FAM83F: variants seen among roughly 807,000 people sequenced by gnomAD.
The protein encoded by FAM83F is scaffolding CK1 anchoring protein F, also known as protein FAM83F.
Under a neutral mutation model 42.9 loss-of-function variants are expected in FAM83F, and 45 were observed. The observed-to-expected ratio is 1.05, with a 90% CI of 0.83 to 1.35. FAM83F has a LOEUF of 1.35. FAM83F is among the 40% of genes most tolerant of loss of function. The pLI, the probability that FAM83F is intolerant of heterozygous loss-of-function variation, is 0.00. For synonymous variants in FAM83F, 306 were observed against 298.3 expected, an observed-to-expected ratio of 1.03 and a Z score of -0.27; for missense variants, 617 against 695.9, an observed-to-expected ratio of 0.89 and a Z score of 1.28.
rs566215726 is a variant in FAM83F at position 40,041,923 on chromosome 22, G to C, written c.*12358G>C. The stretch of plus-strand genomic sequence containing the variant: ...TCTATTGCCCAGGCTGGAGTGCAGT[G>C]GTGTGGCTCACTGCAGCCTTGAACT... On this transcript the variant is annotated 3_prime_UTR_variant, in exon 5 of 5. Transcript: ENST00000333407. 1 of 151,354 alleles carries C rather than the reference G, an allele frequency of 6.6e-6. No homozygotes were observed. Among genetic ancestry groups the C allele is most frequent in the Non-Finnish European group, 1.5e-5 (1 of 67,940 alleles). The allele number at this position is 151,354 out of a possible 1,614,324, so 9.4% of individuals were successfully genotyped here.
intron 1 of FAM83F, among the ~76,000 whole-genome samples, chr22:40,015,770 A>G (rs1370491657): frequency 4.0e-5 from 6 of 151,846 alleles, no homozygotes; most frequent in Non-Finnish European, 8.8e-5. Context: ...CTCACCCCAA[A>G]CCCACATCAC....
Position 39,995,587 on chromosome 22 carries a change from C to T in FAM83F, c.489+56C>T. The T allele has an allele frequency of 2.7e-6, 4 of 1,466,664 alleles. No homozygotes were observed. Among genetic ancestry groups the T allele is most frequent in the Non-Finnish European group, 3.6e-6 (4 of 1,105,012 alleles). The allele number at this position is 1,466,664 out of a possible 1,614,324, so 90.9% of individuals were successfully genotyped here. On this transcript the variant is annotated intron_variant, in intron 1 of 4. Transcript: ENST00000333407. The surrounding 1 kb of genome is among the most constrained non-coding windows in gnomAD (Gnocchi z 4.6). ...GGGACCTCGGCCCCAGTCCCCTGGACCGGGCCCCACCTCCCAGGCAGGGCC... is the reference window on the plus strand; with the variant it reads ...GGGACCTCGGCCCCAGTCCCCTGGATCGGGCCCCACCTCCCAGGCAGGGCC...
Position 39,995,320 on chromosome 22 carries a change from C to G in FAM83F, c.278C>G (p.Ala93Gly). 6.5e-7 allele frequency: 1 copy of G among 1,538,652 alleles called. No homozygotes were observed. The highest frequency in any genetic ancestry group is 2.4e-5 in the East Asian group (1 of 40,844). Reference protein sequence around the residue: ...ARGKSKAKAKAPAPAPAESGE... With the variant: ...ARGKSKAKAKGPAPAPAESGE... ...GGCAAGAGCAAGGCCAAGGCCAAGG[C>G]CCCCGCGCCGGCGCCGGCTGAGTCC... Residue 93 changes from alanine to glycine, a missense_variant, in exon 1 of 5, where the codon GCC becomes GGC. By Grantham distance (60) the Ala-to-Gly change is moderately conservative. Coordinates refer to ENST00000333407, the MANE Select transcript of FAM83F (RefSeq NM_138435.4). The surrounding 1 kb of genome is among the most constrained non-coding windows in gnomAD (Gnocchi z 4.6).
chr22:40,019,443 A>G (rs2145719278), intron 2 of FAM83F, 108 bp downstream of exon 2: 2 of 1,016,248 alleles, frequency 2.0e-6, no homozygotes, highest in East Asian at 4.9e-5. Context: ...GGCTCAGGCG[A>G]ACTTCAAGAT....
At chr22:40,005,065 T>G (rs1401534144) in intron 1 of FAM83F, among the ~76,000 whole-genome samples, 1 of 152,176 alleles carries the variant, frequency 6.6e-6, no homozygotes, top group African/African-American at 2.4e-5. Context: ...CACTCTCAAC[T>G]TGCCTCCGTA....
intron 1 of FAM83F, among the ~76,000 whole-genome samples, chr22:40,010,928 C>G (rs1299034498): frequency 6.6e-6 from 1 of 152,212 alleles, no homozygotes; most frequent in African/African-American, 2.4e-5. Context: ...CTGAACTGTG[C>G]CAGCCCAGCT....
Position 39,996,161 on chromosome 22 carries a change from G to A in FAM83F, c.489+630G>A, listed in dbSNP as rs577013569. On this transcript the variant is annotated intron_variant, in intron 1 of 4. Transcript: ENST00000333407. ...GCCCTGTGCTGGGCGCCTTGGCACA[G>A]CAGGTCACCTGACTCGGCAGCTCAG... 3.3e-5 allele frequency among the ~76,000 whole-genome samples: 5 copies of A among 152,306 alleles called. No individual in the cohort carries two copies. The East Asian group carries it at 9.7e-4, about 29-fold the overall frequency.
At position 39,995,600 on chromosome 22, in the gene FAM83F, C is replaced by G. The variant is rs1418170242; in HGVS notation, c.489+69C>G. 8.2e-6 allele frequency: 12 copies of G among 1,456,416 alleles called. No homozygotes were observed. The highest frequency in any genetic ancestry group is 1.1e-5 in the Non-Finnish European group (12 of 1,102,236). The allele number at this position is 1,456,416 out of a possible 1,614,324, so 90.2% of individuals were successfully genotyped here. ...CAGTCCCCTGGACCGGGCCCCACCT[C>G]CCAGGCAGGGCCCGGGGCAGGCCGC... On this transcript the variant is annotated intron_variant, in intron 1 of 4. Coordinates refer to ENST00000333407, the MANE Select transcript of FAM83F (RefSeq NM_138435.4). The surrounding 1 kb of genome is among the most constrained non-coding windows in gnomAD (Gnocchi z 4.6).
intron 4 of FAM83F, among the ~76,000 whole-genome samples, chr22:40,025,862 C>T (rs963023515): frequency 4.6e-5 from 7 of 152,164 alleles, no homozygotes; most frequent in Admixed American, 6.5e-5. Flanking sequence ...GACTCCGTGG[C>T]GACTGAGGAA....
At chr22:39,997,195 C>T (rs2145705285) in intron 1 of FAM83F, among the ~76,000 whole-genome samples, 1 of 152,326 alleles carries the variant, frequency 6.6e-6, no homozygotes, top group East Asian at 1.9e-4. Flanking sequence ...CTACACTGCC[C>T]CAGTGTCTGA....
At position 40,019,171 on chromosome 22, in the gene FAM83F, A is replaced by T; in HGVS notation, c.493A>T (p.Ile165Phe). 1 of 1,613,950 alleles carries T rather than the reference A, an allele frequency of 6.2e-7. No homozygotes were observed. The highest frequency in any genetic ancestry group is 8.5e-7 in the Non-Finnish European group (1 of 1,180,000). The change falls in exon 2 of 5, where the codon ATT becomes TTT. Residue 165 changes from isoleucine (I) to phenylalanine (F), a missense_variant. Ile to Phe is a conservative substitution (Grantham distance 21, BLOSUM62 0). Coordinates refer to ENST00000333407, the MANE Select transcript of FAM83F (RefSeq NM_138435.4). ...RQMIQQAQKV[I>F]AVVMDLFTDG... Reference sequence around the variant, plus strand: ...ACCAGTGCCTTTCCCCACCCAGGTCATTGCTGTGGTCATGGACCTCTTCAC... The same window carrying T: ...ACCAGTGCCTTTCCCCACCCAGGTCTTTGCTGTGGTCATGGACCTCTTCAC...
At chr22:40,022,217 T>A (rs571294645) in intron 4 of FAM83F, among the ~76,000 whole-genome samples, 4 of 152,324 alleles carry the variant, frequency 2.6e-5, no homozygotes, top group South Asian at 4.1e-4. Flanking sequence ...AGAGAAGGAT[T>A]CCAGGCTTGG....
intron 3 of FAM83F, among the ~76,000 whole-genome samples, chr22:40,020,495 CG>C (rs1010535218): frequency 2.6e-5 from 4 of 151,346 alleles, no homozygotes; most frequent in African/African-American, 9.7e-5. Flanking sequence ...CCCTAGTAGC[CG>C]GGATTACAGG....
At chr22:40,007,167 C>T (rs11912922) in intron 1 of FAM83F, among the ~76,000 whole-genome samples, 49,146 of 148,740 alleles carry the variant, frequency 0.33, 8,925 homozygotes, top group African/African-American at 0.47. Context: ...TAAAGGGGTG[C>T]TCTGTGGGGG....
At chr22:40,029,199 A>G (rs1167629312) in intron 4 of FAM83F, among the ~76,000 whole-genome samples, 3 of 151,856 alleles carry the variant, frequency 2.0e-5, no homozygotes, top group Non-Finnish European at 4.4e-5. Context: ...AGCAGCCAAG[A>G]CTTTGGACTT....
intron 1 of FAM83F, among the ~76,000 whole-genome samples, chr22:40,018,650 C>A (rs1186025709): frequency 6.7e-6 from 1 of 149,210 alleles, no homozygotes; most frequent in Non-Finnish European, 1.5e-5. Flanking sequence ...TGGAGTGCAA[C>A]GGCGCAATCT....
chr22:40,027,624 G>A (rs1378301669), intron 4 of FAM83F, among the ~76,000 whole-genome samples: 2 of 152,244 alleles, frequency 1.3e-5, no homozygotes, highest in Non-Finnish European at 2.9e-5. Flanking sequence ...AGCACTCAGG[G>A]AATGACAAGG....
At chr22:40,020,734 A>G (rs1183437452) in intron 3 of FAM83F, among the ~76,000 whole-genome samples, 1 of 152,172 alleles carries the variant, frequency 6.6e-6, no homozygotes, top group African/African-American at 2.4e-5. Flanking sequence ...AAGTAAATTA[A>G]AATATAGGTG....
At chr22:40,027,491 G>A (rs567316997) in intron 4 of FAM83F, among the ~76,000 whole-genome samples, 4 of 152,260 alleles carry the variant, frequency 2.6e-5, no homozygotes, top group Admixed American at 6.5e-5. Flanking sequence ...CCACCTTGGC[G>A]TCACCTCTGA....
Sources: allele counts gnomAD v4.1 joint callset (sites outside exome capture counted in the v4.1 genomes callset), GRCh38; gene constraint gnomAD v4.1.1; non-coding constraint Gnocchi (gnomAD v3.1); transcripts MANE v1.5; gene names NCBI Gene and HGNC (gene_info 2026-07-23, HGNC 2026-07-21).